The following PRKCA variants were observed in gnomAD, a reference collection of about 807,000 sequenced individuals.
PRKCA encodes protein kinase C alpha.
In PRKCA, 27 loss-of-function variants were observed where a neutral mutation model predicts 87.0. That is an observed-to-expected ratio of 0.31 (90% CI 0.23 to 0.43). The LOEUF is 0.43. Ranked by LOEUF, PRKCA falls within the 20% of genes least tolerant of loss-of-function variation. The pLI is 1.00. For synonymous variants in PRKCA, 329 were observed against 311.1 expected, an observed-to-expected ratio of 1.06 and a Z score of -0.61; for missense variants, 518 against 852.3, an observed-to-expected ratio of 0.61 and a Z score of 4.88.
At chr17:66,407,834 G>A (rs897349572) in intron 2 of PRKCA, among the ~76,000 whole-genome samples, 1 of 152,146 alleles carries the variant, frequency 6.6e-6, no homozygotes, top group African/African-American at 2.4e-5. Context: ...GGATTATGGT[G>A]TTTATTCTTG....
chr17:66,706,465 C>G (rs1416777058), intron 8 of PRKCA, among the ~76,000 whole-genome samples: 1 of 140,856 alleles, frequency 7.1e-6, no homozygotes, highest in East Asian at 2.0e-4. Flanking sequence ...GAAACCCCGT[C>G]TCTACTAAAA....
intron 8 of PRKCA, among the ~76,000 whole-genome samples, chr17:66,704,159 T>TA (rs60117629): frequency 0.039 from 5,477 of 140,912 alleles, 144 homozygotes; most frequent in Middle Eastern, 0.059. Flanking sequence ...TCAGCAAAGT[T>TA]AAAAAAAAAA....
intron 3 of PRKCA, among the ~76,000 whole-genome samples, chr17:66,518,219 C>T (rs1192316170): frequency 6.6e-6 from 1 of 152,148 alleles, no homozygotes. Context: ...CCACCTCATC[C>T]ACCAGAGAAA....
chr17:66,462,852 G>A (rs557597617), intron 2 of PRKCA, among the ~76,000 whole-genome samples: 2 of 152,074 alleles, frequency 1.3e-5, no homozygotes, highest in Non-Finnish European at 2.9e-5. Flanking sequence ...TACTGTTGGT[G>A]CTTAGAAAAT....
In PRKCA at chr17:66,666,729, CTT is replaced by C. The variant is rs536325549; in HGVS notation, c.530-20380_530-20379del. 6.2e-4 allele frequency among the ~76,000 whole-genome samples: 94 copies of C among 152,268 alleles called. 1 individual carries two copies. In the South Asian group the frequency reaches 0.011, roughly 18 times the overall value. Reference sequence around the variant, plus strand: ...AAAATGCCTTCCCCAAAATCTGACTCTTTGTCTGTCAGATAAATGATATGTAG... The same window carrying C: ...AAAATGCCTTCCCCAAAATCTGACTCTGTCTGTCAGATAAATGATATGTAG... On this transcript the variant is annotated intron_variant, in intron 5 of 16. Transcript: ENST00000413366.
intron 13 of PRKCA, among the ~76,000 whole-genome samples, chr17:66,750,837 A>G (rs1974411856): frequency 6.6e-6 from 1 of 152,186 alleles, no homozygotes; most frequent in Non-Finnish European, 1.5e-5. Flanking sequence ...CCCCAGTTCA[A>G]TGCAGACTTG....
intron 2 of PRKCA, among the ~76,000 whole-genome samples, chr17:66,316,304 A>T (rs12940362): frequency 0.97 from 147,411 of 152,294 alleles, 71,352 homozygotes; most frequent in East Asian, 1. Context: ...TCCTCTTGTA[A>T]CTTTTTGTTT....
intron 14 of PRKCA, among the ~76,000 whole-genome samples, chr17:66,782,819 G>T (rs1392912791): frequency 6.6e-6 from 1 of 152,196 alleles, no homozygotes; most frequent in East Asian, 1.9e-4. Flanking sequence ...ACCCTTCACA[G>T]TGGGGCAGGC....
chr17:66,748,229 C>G (rs74742302), intron 13 of PRKCA, among the ~76,000 whole-genome samples: 78 of 152,342 alleles, frequency 5.1e-4, no homozygotes, highest in African/African-American at 1.8e-3. Flanking sequence ...CTTCTGCGTT[C>G]CCGCCCTACA....
At chr17:66,327,515 G>A (rs984393844) in intron 2 of PRKCA, among the ~76,000 whole-genome samples, 14 of 152,012 alleles carry the variant, frequency 9.2e-5, no homozygotes, top group South Asian at 2.1e-4. Context: ...CAGCCTGGGC[G>A]ACACAGTGAG....
intron 8 of PRKCA, among the ~76,000 whole-genome samples, chr17:66,709,850 C>A (rs1973280042): frequency 6.6e-6 from 1 of 152,072 alleles, no homozygotes; most frequent in Non-Finnish European, 1.5e-5. Flanking sequence ...CCTTCTGAAT[C>A]ATCAAGAAAA....
chr17:66,543,676 A>G (rs1968058272), intron 3 of PRKCA, among the ~76,000 whole-genome samples: 1 of 152,218 alleles, frequency 6.6e-6, no homozygotes, highest in Non-Finnish European at 1.5e-5. Flanking sequence ...AGAAATACGA[A>G]GCAACATAGT....
chr17:66,584,522 G>A (rs554292067), intron 3 of PRKCA, among the ~76,000 whole-genome samples: 5 of 152,218 alleles, frequency 3.3e-5, no homozygotes, highest in Admixed American at 2.0e-4. Context: ...CACCGTGCCC[G>A]GCCAATCTGG....
intron 5 of PRKCA, among the ~76,000 whole-genome samples, chr17:66,665,432 C>T (rs752146954): frequency 6.6e-6 from 1 of 152,178 alleles, no homozygotes; most frequent in Non-Finnish European, 1.5e-5. Context: ...CCTCCCAACA[C>T]CCTGCACAGT....
chr17:66,383,771 G>A (rs2037637798), intron 2 of PRKCA, among the ~76,000 whole-genome samples: 1 of 151,956 alleles, frequency 6.6e-6, no homozygotes, highest in African/African-American at 2.4e-5. Context: ...AGGACAACAT[G>A]GTGAAACCCC....
At chr17:66,452,402 C>G (rs1914370825) in intron 2 of PRKCA, among the ~76,000 whole-genome samples, 1 of 152,192 alleles carries the variant, frequency 6.6e-6, no homozygotes, top group Non-Finnish European at 1.5e-5. Context: ...TGAGGCTTAA[C>G]AGGAAGACAG....
chr17:66,562,585 GTT>G (rs10523714), intron 3 of PRKCA, among the ~76,000 whole-genome samples: 1 of 149,058 alleles, frequency 6.7e-6, no homozygotes, highest in African/African-American at 2.5e-5. Flanking sequence ...GCTAAGTTTT[GTT>G]TTTTTTTGTT....
chr17:66,802,503 C>T (rs895916026), intron 16 of PRKCA, among the ~76,000 whole-genome samples: 7 of 150,996 alleles, frequency 4.6e-5, no homozygotes, highest in African/African-American at 1.7e-4. Context: ...CTAGTCTGGG[C>T]GACAGAGCAA....
At chr17:66,736,070 G>A (rs1974018626) in intron 10 of PRKCA, among the ~76,000 whole-genome samples, 1 of 151,220 alleles carries the variant, frequency 6.6e-6, no homozygotes, top group African/African-American at 2.4e-5. Flanking sequence ...TAGTAGAGAC[G>A]GGGGTTTCAC....
Sources: allele counts gnomAD v4.1 joint callset (sites outside exome capture counted in the v4.1 genomes callset), GRCh38; gene constraint gnomAD v4.1.1; transcripts MANE v1.5; gene names NCBI Gene and HGNC (gene_info 2026-07-23, HGNC 2026-07-21).